Variants in USP46 observed in about 807,000 individuals in gnomAD.
USP46 encodes the protein ubiquitin carboxyl-terminal hydrolase 46.
A neutral mutation model predicts 44.4 loss-of-function variants in USP46; 12 were observed. That is an observed-to-expected ratio of 0.27 (90% CI 0.17 to 0.44). The LOEUF is 0.44. Among genes scored for constraint, USP46 ranks in the 20% least tolerant of loss-of-function variants. The pLI is 1.00. For missense variants in USP46, 248 were observed against 444.8 expected (o/e 0.56, Z 3.98); for synonymous variants, 155 against 161.5 (o/e 0.96, Z 0.31).
intron 1 of USP46, among the ~76,000 whole-genome samples, chr4:52,639,282 G>T (rs1718240557): frequency 6.6e-6 from 1 of 152,158 alleles, no homozygotes; most frequent in African/African-American, 2.4e-5. Flanking sequence ...GCTGTAAAAA[G>T]ACCCAAATAA....
At position 52,610,422 on chromosome 4, in the gene USP46, T is replaced by C. The variant is rs1716896606; in HGVS notation, c.638+119A>G. ...CTCTTGGGAAAGGAGAGATAGAAAATAATAGGATCATATTGGTTTAACAGA... is the reference window on the plus strand; with the variant it reads ...CTCTTGGGAAAGGAGAGATAGAAAACAATAGGATCATATTGGTTTAACAGA... On this transcript the variant is annotated intron_variant, in intron 5 of 8. Transcript: ENST00000441222. 3 of 850,408 alleles carry C rather than the reference T, an allele frequency of 3.5e-6. No individual in the cohort carries two copies. The South Asian group carries it at 5.6e-5, about 16-fold the overall frequency. 52.7% of individuals were successfully genotyped at this position (850,408 alleles called of 1,614,324 possible). A position where few individuals can be genotyped will look rare whatever the true frequency, so the allele number is the denominator to read the frequency against.
Position 52,659,033 on chromosome 4 carries a change from C to T in USP46, c.36+82G>A. 6.8e-7 allele frequency: 1 copy of T among 1,470,724 alleles called. No individual in the cohort carries two copies. 91.1% of individuals were successfully genotyped at this position (1,470,724 alleles called of 1,614,324 possible). A position where few individuals can be genotyped will look rare whatever the true frequency, so the allele number is the denominator to read the frequency against. On this transcript the variant is annotated intron_variant, in intron 1 of 8. Coordinates refer to ENST00000441222, the MANE Select transcript of USP46 (RefSeq NM_022832.4). This position sits in a 1 kb window ranked among gnomAD's most constrained non-coding sequence, Gnocchi z 4.2. ...CCCGCCGCCCCCGCCGCCCCAGCCA[C>T]CGGGCGTGTGTGCAGCTCGGGCTTC...
Position 52,659,129 on chromosome 4 carries a change from A to T in USP46, c.22T>A (p.Ser8Thr). 6.4e-7 allele frequency: 1 copy of T among 1,568,340 alleles called. No individual in the cohort carries two copies. Among genetic ancestry groups the T allele is most frequent in the Non-Finnish European group, 8.6e-7 (1 of 1,158,478 alleles). The change falls in exon 1 of 9, where the codon TCC becomes ACC. Residue 8 changes from serine (S) to threonine (T), a missense_variant. By Grantham distance (58) the Ser-to-Thr change is moderately conservative. This residue lies in a region of USP46 where 31 missense variants were observed against 32.5 expected (regional missense o/e 0.96). Transcript: ENST00000441222. This position sits in a 1 kb window ranked among gnomAD's most constrained non-coding sequence, Gnocchi z 4.2. MTVRNIA[S>T]ICNMGTNASA... ...CGGCCACTCACCATATTACAGATGG[A>T]GGCGATGTTTCGGACAGTCATTAGT...
At chr4:52,607,892 G>A (rs1434083735) in intron 5 of USP46, among the ~76,000 whole-genome samples, 1 of 152,180 alleles carries the variant, frequency 6.6e-6, no homozygotes, top group African/African-American at 2.4e-5. Context: ...ACAGCTTGCA[G>A]AACAATGAGC....
chr4:52,624,091 G>A (rs759514112), intron 4 of USP46, among the ~76,000 whole-genome samples: 1 of 152,100 alleles, frequency 6.6e-6, no homozygotes, highest in African/African-American at 2.4e-5. Flanking sequence ...AAGGTAAAAA[G>A]GGTGTGTTGG....
At chr4:52,632,366 A>G (rs1461771349) in intron 1 of USP46, among the ~76,000 whole-genome samples, 1 of 152,194 alleles carries the variant, frequency 6.6e-6, no homozygotes, top group Non-Finnish European at 1.5e-5. Flanking sequence ...TCAGTCCAAT[A>G]AGGTAAGTAG....
At chr4:52,629,737 C>T (rs1344091311) in intron 2 of USP46, 8 of 456,094 alleles carry the variant, frequency 1.8e-5, no homozygotes, top group Non-Finnish European at 3.1e-5. Context: ...TATGTCTCAG[C>T]TTCATGTCAG....
intron 4 of USP46, among the ~76,000 whole-genome samples, chr4:52,623,241 G>A (rs1432478111): frequency 1.3e-5 from 2 of 152,098 alleles, no homozygotes; most frequent in African/African-American, 4.8e-5. Flanking sequence ...CTTATTAAAT[G>A]AAAAAGACTG....
At chr4:52,634,483 T>C (rs1718033677) in intron 1 of USP46, among the ~76,000 whole-genome samples, 1 of 125,210 alleles carries the variant, frequency 8.0e-6, no homozygotes, top group East Asian at 2.6e-4. Context: ...CACTCCAGCC[T>C]GGGCGACAAG....
rs181507842 is a variant in USP46, at chr4:52,641,104, T to C, written c.37-9960A>G. ...AGCACTGTATAAATTGTAAAGTATG[T>C]TACAAACCCAAGAGATTGCACTTCT... On this transcript the variant is annotated intron_variant, in intron 1 of 8. Coordinates refer to ENST00000441222, the MANE Select transcript of USP46 (RefSeq NM_022832.4). Among the ~76,000 whole-genome samples the C allele has an allele frequency of 8.0e-3, 1,220 of 152,148 alleles. 14 individuals are homozygous for C. Among genetic ancestry groups the C allele is most frequent in the Non-Finnish European group, 9.8e-3 (664 of 67,990 alleles).
chr4:52,612,446 T>G (rs1716971177), intron 4 of USP46, among the ~76,000 whole-genome samples: 2 of 152,222 alleles, frequency 1.3e-5, no homozygotes, highest in South Asian at 4.1e-4. Context: ...GGTGATTATG[T>G]TTTGCCACCC....
rs191618239 is a variant in USP46, at chr4:52,610,220, G to A, written c.638+321C>T. On this transcript the variant is annotated intron_variant, in intron 5 of 8. Transcript: ENST00000441222. ...ATTACAGGCGTGAGCCACCGCGCCC[G>A]GCCTCAATTCTATTTCTTATAACAA... is the stretch of plus-strand genomic sequence containing the variant. Among the ~76,000 whole-genome samples the A allele has an allele frequency of 8.6e-5, 13 of 152,036 alleles. 1 individual carries two copies. Among genetic ancestry groups the A allele is most frequent in the East Asian group, 1.9e-4 (1 of 5,172 alleles).
chr4:52,652,990 A>T (rs1313209345), intron 1 of USP46, among the ~76,000 whole-genome samples: 1 of 152,072 alleles, frequency 6.6e-6, no homozygotes, highest in Non-Finnish European at 1.5e-5. Context: ...GAAGAAAAGG[A>T]AGGTTGGCCC....
At chr4:52,600,789 G>A (rs1413419621) in intron 7 of USP46, among the ~76,000 whole-genome samples, 1 of 152,148 alleles carries the variant, frequency 6.6e-6, no homozygotes, top group Non-Finnish European at 1.5e-5. Context: ...GCCTCATCCA[G>A]TGCTCAAGGC....
chr4:52,645,063 AC>A (rs1262893075), intron 1 of USP46, among the ~76,000 whole-genome samples: 1 of 152,034 alleles, frequency 6.6e-6, no homozygotes, highest in Non-Finnish European at 1.5e-5. Flanking sequence ...TCTCAAAACA[AC>A]AACAACAAAA....
At chr4:52,639,760 TAA>T (rs1718259588) in intron 1 of USP46, among the ~76,000 whole-genome samples, 1 of 151,606 alleles carries the variant, frequency 6.6e-6, no homozygotes, top group Non-Finnish European at 1.5e-5. Flanking sequence ...GCAGTGGTGC[TAA>T]CAGGGTTCAC....
chr4:52,630,484 G>A (rs957297159), intron 2 of USP46, among the ~76,000 whole-genome samples: 1 of 152,192 alleles, frequency 6.6e-6, no homozygotes, highest in Non-Finnish European at 1.5e-5. Context: ...GCCTGGTGCA[G>A]TGGCTCACAC....
chr4:52,652,297 C>T (rs1003172338), intron 1 of USP46, among the ~76,000 whole-genome samples: 1 of 152,160 alleles, frequency 6.6e-6, no homozygotes, highest in African/African-American at 2.4e-5. Context: ...GGTTGGAATG[C>T]AAATTGGCAT....
At chr4:52,650,703 T>G (rs986866971) in intron 1 of USP46, among the ~76,000 whole-genome samples, 3 of 152,222 alleles carry the variant, frequency 2.0e-5, no homozygotes, top group Non-Finnish European at 2.9e-5. Context: ...TTTTTAAAAT[T>G]TCTTTTAAAA....
Sources: gnomAD v4.1 joint callset for allele counts (sites outside exome capture counted in the v4.1 genomes callset) on GRCh38, gnomAD v4.1.1 for gene constraint, gnomAD v4.1.1 regional missense constraint, Gnocchi (gnomAD v3.1) non-coding constraint, MANE v1.5 for transcripts, NCBI Gene and HGNC (gene_info 2026-07-23, HGNC 2026-07-21) for gene names.